The following A2ML1 variants were observed in gnomAD, a reference collection of about 807,000 sequenced individuals.
A2ML1 encodes the protein alpha-2-macroglobulin-like protein 1.
Under a neutral mutation model 181.9 loss-of-function variants are expected in A2ML1, and 161 were observed. That is an observed-to-expected ratio of 0.89 (90% CI 0.78 to 1.01). The LOEUF (loss-of-function observed/expected upper bound fraction) is 1.01. A2ML1 is among the 50% of genes least tolerant of loss of function. The pLI, the probability that A2ML1 is intolerant of heterozygous loss-of-function variation, is 0.00. For synonymous variants in A2ML1, 663 were observed against 666.8 expected (o/e 0.99, Z 0.09); for missense variants, 1,670 against 1,768.1 (o/e 0.94, Z 1.00).
chr12:8,846,997 C>A (rs113300928), intron 14 of A2ML1, among the ~76,000 whole-genome samples: 1 of 150,694 alleles, frequency 6.6e-6, no homozygotes, highest in Non-Finnish European at 1.5e-5. Context: ...TGCAATGGTG[C>A]GATCTCGGCT....
chr12:8,881,820 G>A (rs1419940455), intron 7 of A2ML1, among the ~76,000 whole-genome samples: 2 of 152,002 alleles, frequency 1.3e-5, no homozygotes, highest in Non-Finnish European at 2.9e-5. Context: ...GACCATCCTG[G>A]CTAACACGGT....
intron 21 of A2ML1, 76 bp from the exon 22 acceptor site, chr12:8,854,704 C>A: frequency 6.5e-7 from 1 of 1,540,872 alleles, no homozygotes; most frequent in Non-Finnish European, 9.0e-7. Flanking sequence ...CGAGGGGCCT[C>A]CCTTCCCTTT....
chr12:8,872,804 A>G (rs1452576927), intron 33 of A2ML1, among the ~76,000 whole-genome samples: 1 of 150,418 alleles, frequency 6.6e-6, no homozygotes, highest in Non-Finnish European at 1.5e-5. Flanking sequence ...AAAAAGAAAA[A>G]GAAAAAGAAA....
At chr12:8,858,568 C>G (rs191302345) in intron 26 of A2ML1, among the ~76,000 whole-genome samples, 1 of 152,042 alleles carries the variant, frequency 6.6e-6, no homozygotes, top group East Asian at 1.9e-4. Context: ...CCTGGGTGAC[C>G]GAGTGAGACC....
intron 29 of A2ML1, 114 bp from the exon 30 acceptor site, chr12:8,867,724 TAAAG>T: frequency 1.2e-6 from 1 of 846,002 alleles, no homozygotes; most frequent in Non-Finnish European, 1.9e-6. Flanking sequence ...TCTAAATACT[TAAAG>T]AAGTCATCAT....
In A2ML1 at chr12:8,843,327, C is replaced by T. The variant is rs751942460; in HGVS notation, c.1442C>T (p.Ala481Val). The change falls in exon 12 of 36, where the codon GCA becomes GTA. Residue 481 changes from alanine to valine, a missense_variant. Ala to Val is a moderately conservative substitution (Grantham distance 64). Coordinates refer to ENST00000299698, the MANE Select transcript of A2ML1 (RefSeq NM_144670.6). Reference sequence around the variant, plus strand: ...GATTATTACATCGACCCGGCCGATGCAAGCCCTGACCAAGAGATCAGCTTC... The same window carrying T: ...GATTATTACATCGACCCGGCCGATGTAAGCCCTGACCAAGAGATCAGCTTC... Reference protein sequence around the residue: ...LVDYYIDPADASPDQEISFSY... With the variant: ...LVDYYIDPADVSPDQEISFSY... The T allele has an allele frequency of 1.2e-6, 2 of 1,613,858 alleles. No homozygotes were observed. The highest frequency in any genetic ancestry group is 2.2e-5 in the East Asian group (1 of 44,890).
rs1002327362 is a variant in A2ML1 at position 8,885,681 on chromosome 12, C to G, written c.*95-826C>G. On this transcript the variant is annotated intron_variant and NMD_transcript_variant, in intron 7 of 7. Transcript: ENST00000537475. ...GTTTCAGCATGTTGCCCAGACTGGT[C>G]TCGAACTCCTGAGCTCAAGCAATCT... Among the ~76,000 whole-genome samples, 4 of 152,122 alleles carry G rather than the reference C, an allele frequency of 2.6e-5. 1 individual carries two copies. The highest frequency in any genetic ancestry group is 9.7e-5 in the African/African-American group (4 of 41,432).
rs749529764 is a variant in A2ML1, at chr12:8,854,144, T to C, written c.2607T>C (p.Thr869=). 2 of 1,599,870 alleles carry C rather than the reference T, an allele frequency of 1.3e-6. No homozygotes were observed. Among genetic ancestry groups the C allele is most frequent in the Admixed American group, 3.4e-5 (2 of 58,598 alleles). The change falls in exon 21 of 36, where the codon ACT becomes ACC. Residue 869 remains threonine (T), a synonymous_variant. Transcript: ENST00000299698. ...TTCTCTCAGGTCACATTAACTTTAC[T>C]ATTAGTACAAAGATTCTGGACAGCA... ...TAVKLGHINF[T]ISTKILDSNE...
rs975945418 is a variant in A2ML1 at position 8,874,445 on chromosome 12, T to A, written c.4242T>A (p.Thr1414=). 6.2e-7 allele frequency: 1 copy of A among 1,613,982 alleles called. No homozygotes were observed. Residue 1414 remains threonine, a synonymous_variant, in exon 34 of 36, where the codon ACT becomes ACA. Transcript: ENST00000299698. ...CACAGCTCATTAAGAACACTCAGAC[T>A]TACACCTTCACCATCAGCCAAAGTG... ...YLDELIKNTQ[T]YTFTISQSVL...
chr12:8,830,168 C>T (rs891016552), intron 4 of A2ML1, among the ~76,000 whole-genome samples: 3 of 152,150 alleles, frequency 2.0e-5, no homozygotes, highest in Admixed American at 6.5e-5. Flanking sequence ...TCTCCTGCCT[C>T]GGCCTCCCAA....
At chr12:8,873,520 T>C (rs1285266730) in intron 33 of A2ML1, among the ~76,000 whole-genome samples, 2 of 152,198 alleles carry the variant, frequency 1.3e-5, no homozygotes, top group Non-Finnish European at 2.9e-5. Flanking sequence ...ACAATAGATA[T>C]GATACCTGGC....
intron 2 of A2ML1, 79 bp from the exon 3 acceptor site, chr12:8,823,641 A>C (rs1942822304): frequency 1.4e-6 from 2 of 1,479,750 alleles, no homozygotes; most frequent in Non-Finnish European, 1.8e-6. Flanking sequence ...CTTTCCTTTA[A>C]CTCACTGTTG....
chr12:8,847,632 T>C lies in A2ML1; in HGVS notation c.1767T>C (p.Cys589=). ...TGCAGGCAGCTCCCGGATCCCTGTG[T>C]GCGCTCCGGGCGGTGGATGAGAGTG... ...LQLQAAPGSL[C]ALRAVDESVL... The change falls in exon 15 of 36, where the codon TGT becomes TGC. Residue 589 remains cysteine (C), a synonymous_variant. Coordinates refer to ENST00000299698, the MANE Select transcript of A2ML1 (RefSeq NM_144670.6). The C allele has an allele frequency of 6.2e-7, 1 of 1,613,826 alleles. No homozygotes were observed. The highest frequency in any genetic ancestry group is 8.5e-7 in the Non-Finnish European group (1 of 1,179,890).
intron 11 of A2ML1, among the ~76,000 whole-genome samples, chr12:8,841,780 A>T (rs749467804): frequency 6.6e-6 from 1 of 152,122 alleles, no homozygotes; most frequent in Non-Finnish European, 1.5e-5. Flanking sequence ...ACTTACCCCC[A>T]TCTCTATCTG....
rs148812885 is a variant in A2ML1 at position 8,863,699 on chromosome 12, G to A, written c.3503-95G>A. 162 of 1,229,270 alleles carry A rather than the reference G, an allele frequency of 1.3e-4. 1 individual carries two copies. The African/African-American group carries it at 1.9e-3, about 14-fold the overall frequency. 76.1% of individuals were successfully genotyped at this position (1,229,270 alleles called of 1,614,324 possible). ...TTCTACTCTGTTTAATTCTCAGTTG[G>A]TACTTACTCTGCTCTAAGATGCTGC... On this transcript the variant is annotated intron_variant, in intron 28 of 35. Transcript: ENST00000299698.
Position 8,848,798 on chromosome 12 carries a change from C to G in A2ML1, c.1912C>G (p.Pro638Ala). The G allele has an allele frequency of 6.2e-7, 1 of 1,614,102 alleles. No homozygotes were observed. Among genetic ancestry groups the G allele is most frequent in the East Asian group, 2.2e-5 (1 of 44,860 alleles). ...GTATGATCAGTGTCCAGTGTCTGGC[C>G]CATGGGACTTTCCTCAGCCCCTCAT... is the stretch of plus-strand genomic sequence containing the variant. ...AEYDQCPVSG[P>A]WDFPQPLIDP... The change falls in exon 16 of 36, where the codon CCA becomes GCA. Residue 638 changes from proline to alanine, a missense_variant. Transcript: ENST00000299698.
In A2ML1 at chr12:8,851,835, G is replaced by A. The variant is rs1943900612; in HGVS notation, c.2286G>A (p.Glu762=). The change falls in exon 19 of 36, where the codon GAG becomes GAA. Residue 762 remains glutamate, a synonymous_variant. Coordinates refer to ENST00000299698, the MANE Select transcript of A2ML1 (RefSeq NM_144670.6). ...VHVTVPDAIT[E]WKAMSFCTSQ... is the part of the protein sequence containing the mutation. ...TCACAGTTCCTGACGCCATCACCGA[G>A]TGGAAGGCGATGAGTTTCTGCACTT... 4 of 1,614,214 alleles carry A rather than the reference G, an allele frequency of 2.5e-6. No homozygotes were observed. Among genetic ancestry groups the A allele is most frequent in the Non-Finnish European group, 3.4e-6 (4 of 1,180,042 alleles).
chr12:8,877,725 C>T (rs1332896447), downstream of A2ML1, among the ~76,000 whole-genome samples: 1 of 152,176 alleles, frequency 6.6e-6, no homozygotes, highest in African/African-American at 2.4e-5. Context: ...AATGCTAACA[C>T]ACTGTTGGTG....
At position 8,874,975 on chromosome 12, in the gene A2ML1, A is replaced by G. The variant is rs1944755378; in HGVS notation, c.4329A>G (p.Glu1443=). ...IKVYDYYLPD[E]QATIQYSDPC... ...ATGACTTATTTCATTTCACAGATGAACAGGCAACAATTCAGTATTCTGATC... is the reference window on the plus strand; with the variant it reads ...ATGACTTATTTCATTTCACAGATGAGCAGGCAACAATTCAGTATTCTGATC... Residue 1443 remains glutamate (E), a synonymous_variant, in exon 35 of 36, where the codon GAA becomes GAG. Coordinates refer to ENST00000299698, the MANE Select transcript of A2ML1 (RefSeq NM_144670.6). 3.1e-6 allele frequency: 5 copies of G among 1,614,120 alleles called. No homozygotes were observed. The highest frequency in any genetic ancestry group is 4.2e-6 in the Non-Finnish European group (5 of 1,179,980).
Sources: gnomAD v4.1 joint callset for allele counts (sites outside exome capture counted in the v4.1 genomes callset) on GRCh38, gnomAD v4.1.1 for gene constraint, MANE v1.5 for transcripts, NCBI Gene and HGNC (gene_info 2026-07-23, HGNC 2026-07-21) for gene names.